DCBLD1: variants seen among roughly 807,000 people sequenced by gnomAD.
DCBLD1 encodes discoidin, CUB and LCCL domain containing 1.
In DCBLD1, 57 loss-of-function variants were observed where a neutral mutation model predicts 71.5. The ratio of observed to expected loss-of-function variants is 0.80; its 90% CI spans 0.64 to 0.99. The LOEUF is 0.99. Among genes scored for constraint, DCBLD1 ranks in the 50% least tolerant of loss-of-function variants. DCBLD1 has a pLI of 0.00. For missense variants in DCBLD1, 891 were observed against 923.5 expected, an observed-to-expected ratio of 0.96 and a Z score of 0.46; for synonymous variants, 380 against 363.8, an observed-to-expected ratio of 1.04 and a Z score of -0.51.
chr6:117,531,350 C>G (rs1039942782), intron 5 of DCBLD1, among the ~76,000 whole-genome samples: 1 of 152,198 alleles, frequency 6.6e-6, no homozygotes. Context: ...ACTCCTGGGT[C>G]TGAGTGCCTT....
intron 14 of DCBLD1, among the ~76,000 whole-genome samples, chr6:117,547,424 A>T (rs924959225): frequency 2.0e-5 from 3 of 152,206 alleles, no homozygotes; most frequent in African/African-American, 7.2e-5. Context: ...TAGGAGCTCT[A>T]TAAATGGGAG....
At chr6:117,503,562 G>A in intron 1 of DCBLD1, 1 of 578,276 alleles carries the variant, frequency 1.7e-6, no homozygotes, top group Non-Finnish European at 3.0e-6. Flanking sequence ...TGATCAACAA[G>A]AAGATAAAAC....
intron 2 of DCBLD1, among the ~76,000 whole-genome samples, chr6:117,507,504 A>G (rs1384117752): frequency 6.6e-6 from 1 of 152,232 alleles, no homozygotes; most frequent in Non-Finnish European, 1.5e-5. Context: ...TGTGCTATTA[A>G]TATTATCCTG....
rs912355896 is a variant in DCBLD1 at position 117,548,263 on chromosome 6, G to A, written c.1972G>A (p.Ala658Thr). 1.9e-6 allele frequency: 3 copies of A among 1,550,496 alleles called. No individual in the cohort carries two copies. The highest frequency in any genetic ancestry group is 1.4e-5 in the African/African-American group (1 of 73,066). The change falls in exon 15 of 15, where the codon GCA becomes ACA. Residue 658 changes from alanine (A) to threonine (T), a missense_variant. Physicochemically the swap from Ala to Thr is moderately conservative, Grantham distance 58. Coordinates refer to ENST00000338728, the MANE Select transcript of DCBLD1 (RefSeq NM_001366458.2). ...CGGAGACTATCAAAGGCCACACAGC[G>A]CACAGCCTGCGGACAGGGGCTACGA... The part of the protein sequence containing the change: ...QDGDYQRPHS[A>T]QPADRGYDRP...
At chr6:117,515,021 T>G (rs210611) in intron 2 of DCBLD1, among the ~76,000 whole-genome samples, 64,699 of 127,534 alleles carry the variant, frequency 0.51, 14,991 homozygotes, top group South Asian at 0.6. Context: ...AGTTTGTGGG[T>G]TTTTTTTTTT....
intron 2 of DCBLD1, among the ~76,000 whole-genome samples, chr6:117,518,628 G>A (rs146766446): frequency 1.3e-5 from 2 of 152,298 alleles, no homozygotes; most frequent in Non-Finnish European, 2.9e-5. Flanking sequence ...CTCAAATCAT[G>A]GTAGAAGGCA....
chr6:117,541,872 G>T (rs554833028), intron 11 of DCBLD1, among the ~76,000 whole-genome samples: 4 of 152,210 alleles, frequency 2.6e-5, no homozygotes, highest in African/African-American at 9.6e-5. Flanking sequence ...TTATTGGAAG[G>T]TTGAAAACCC....
intron 1 of DCBLD1, among the ~76,000 whole-genome samples, chr6:117,503,031 G>A (rs1347488422): frequency 1.3e-5 from 2 of 152,142 alleles, no homozygotes; most frequent in Non-Finnish European, 2.9e-5. Context: ...ATAACACATA[G>A]CACCTAGAAT....
At position 117,482,913 on chromosome 6, in the gene DCBLD1, C is replaced by T. The variant is rs1035343922; in HGVS notation, c.112+20C>T. The T allele has an allele frequency of 4.5e-5, 53 of 1,183,182 alleles. No individual in the cohort carries two copies. The highest frequency in any genetic ancestry group is 5.2e-5 in the Non-Finnish European group (50 of 955,632). 73.3% of individuals were successfully genotyped at this position (1,183,182 alleles called of 1,614,324 possible). A position where few individuals can be genotyped will look rare whatever the true frequency, so the allele number is the denominator to read the frequency against. ...AGCTGGGTGAGTGGAGCGCGTCCGG[C>T]TGGCGGCGGGACCCGAGGCGCCAGG... is the stretch of plus-strand genomic sequence containing the variant. On this transcript the variant is annotated intron_variant, in intron 1 of 14. Transcript: ENST00000338728.
intron 8 of DCBLD1, 98 bp downstream of exon 8, chr6:117,538,933 C>A: frequency 8.3e-7 from 1 of 1,204,106 alleles, no homozygotes; most frequent in Non-Finnish European, 1.2e-6. Flanking sequence ...AGGTGCTTCT[C>A]TACCTACCTC....
chr6:117,556,398 C>T (rs547163649), intron 14 of DCBLD1, among the ~76,000 whole-genome samples: 3 of 152,242 alleles, frequency 2.0e-5, no homozygotes, highest in Non-Finnish European at 2.9e-5. Context: ...TAGTCTCCAA[C>T]GTCTATTATT....
chr6:117,540,073 A>G (rs999133535), intron 9 of DCBLD1: 12 of 152,616 alleles, frequency 7.9e-5, no homozygotes, highest in African/African-American at 2.7e-4. Flanking sequence ...TTCCATCTCA[A>G]AAAAAAGAAA....
chr6:117,502,563 G>C (rs80234916), intron 1 of DCBLD1, among the ~76,000 whole-genome samples: 1 of 152,174 alleles, frequency 6.6e-6, no homozygotes, highest in African/African-American at 2.4e-5. Context: ...CCTCTAACTG[G>C]GGAAGAGGCT....
intron 1 of DCBLD1, among the ~76,000 whole-genome samples, chr6:117,502,056 A>G (rs2114418843): frequency 6.6e-6 from 1 of 152,124 alleles, no homozygotes; most frequent in South Asian, 2.1e-4. Flanking sequence ...TTCCTGTTCC[A>G]GCTACCCCCA....
At chr6:117,563,638 C>T (rs1250466634) in intron 14 of DCBLD1, among the ~76,000 whole-genome samples, 1 of 151,826 alleles carries the variant, frequency 6.6e-6, no homozygotes, top group Non-Finnish European at 1.5e-5. Context: ...AGGAGAATCA[C>T]TTGAAGCCAG....
rs1265161048 is a variant in DCBLD1, at chr6:117,561,416, G to A, written c.1616-8204G>A. 5 of 224,028 alleles carry A rather than the reference G, an allele frequency of 2.2e-5. No homozygotes were observed. The Admixed American group carries it at 2.3e-4, about 10-fold the overall frequency. The allele number at this position is 224,028 out of a possible 1,614,324, so 13.9% of individuals were successfully genotyped here. A position where few individuals can be genotyped will look rare whatever the true frequency, so the allele number is the denominator to read the frequency against. The stretch of plus-strand genomic sequence containing the variant: ...TCCATCCCAGGCTGTGTTTTAAGAA[G>A]ATAAGAATAACATGGTTTCATGTCA... On this transcript the variant is annotated intron_variant, in intron 14 of 14. Coordinates refer to the DCBLD1 transcript ENST00000296955.
intron 14 of DCBLD1, among the ~76,000 whole-genome samples, chr6:117,555,746 ACTGTAT>A (rs1779487794): frequency 6.6e-6 from 1 of 152,146 alleles, no homozygotes; most frequent in East Asian, 1.9e-4. Context: ...AGAAATCAAA[ACTGTAT>A]CAAGCCAAGG....
At chr6:117,544,626 C>G (rs1779206889) in intron 13 of DCBLD1, 49 bp downstream of exon 13, 3 of 1,603,152 alleles carry the variant, frequency 1.9e-6, no homozygotes, top group Non-Finnish European at 2.6e-6. Context: ...GAGGAAGGGA[C>G]AGGATCTGCT....
chr6:117,554,090 G>A (rs1779465572), downstream of DCBLD1, among the ~76,000 whole-genome samples: 2 of 152,144 alleles, frequency 1.3e-5, no homozygotes, highest in East Asian at 1.9e-4. Context: ...CTTCCTGTTC[G>A]ATTTCTGTGA....
Sources: allele counts gnomAD v4.1 joint callset (sites outside exome capture counted in the v4.1 genomes callset), GRCh38; gene constraint gnomAD v4.1.1; transcripts MANE v1.5; gene names NCBI Gene and HGNC (gene_info 2026-07-23, HGNC 2026-07-21).